RUBCN: variants seen among roughly 807,000 people sequenced by gnomAD.
RUBCN encodes run domain Beclin-1-interacting and cysteine-rich domain-containing protein.
RUBCN carries 74 observed loss-of-function variants against 113.2 expected under a neutral mutation model. The ratio of observed to expected loss-of-function variants is 0.65; its 90% CI spans 0.54 to 0.79. The LOEUF (loss-of-function observed/expected upper bound fraction) is 0.79. RUBCN is among the 30% of genes least tolerant of loss of function. RUBCN has a pLI of 0.00. For missense variants in RUBCN, 1,109 were observed against 1,251.7 expected, an observed-to-expected ratio of 0.89 and a Z score of 1.72; for synonymous variants, 480 against 490.0, an observed-to-expected ratio of 0.98 and a Z score of 0.27.
upstream of RUBCN, among the ~76,000 whole-genome samples, chr3:197,739,422 G>GCA (rs1728417408): frequency 6.6e-6 from 1 of 151,470 alleles, no homozygotes; most frequent in Non-Finnish European, 1.5e-5. Context: ...GGCCGGGCGT[G>GCA]GTGGCTCATG....
chr3:197,702,555 C>T (rs185766202), intron 5 of RUBCN, among the ~76,000 whole-genome samples: 80 of 152,130 alleles, frequency 5.3e-4, no homozygotes, highest in African/African-American at 1.7e-3. Flanking sequence ...CCCAGCTACT[C>T]GGGAGGCTGA....
Position 197,703,486 on chromosome 3 carries a change from G to C in RUBCN, c.570+62C>G, listed in dbSNP as rs1018932110. 51 of 1,052,250 alleles carry C rather than the reference G, an allele frequency of 4.8e-5. No individual in the cohort carries two copies. Among genetic ancestry groups the C allele is most frequent in the Non-Finnish European group, 7.5e-5 (51 of 676,162 alleles). The allele number at this position is 1,052,250 out of a possible 1,614,324, so 65.2% of individuals were successfully genotyped here. ...TAAGTGAAAAAGTTTGCTGTAGAGG[G>C]CTACATCCTGCTGAGCTCCAGGGAC... On this transcript the variant is annotated intron_variant, in intron 5 of 19. Coordinates refer to ENST00000296343, the MANE Select transcript of RUBCN (RefSeq NM_014687.4).
chr3:197,674,613 C>A lies in RUBCN; in HGVS notation c.*405G>T. The A allele has an allele frequency of 2.2e-6, 1 of 457,930 alleles. No individual in the cohort carries two copies. The allele number at this position is 457,930 out of a possible 1,614,324, so 28.4% of individuals were successfully genotyped here. A position where few individuals can be genotyped will look rare whatever the true frequency, so the allele number is the denominator to read the frequency against. On this transcript the variant is annotated 3_prime_UTR_variant, in exon 20 of 20. Transcript: ENST00000296343. ...CAGCAGGAGAGGTGGTTGAGAAAGG[C>A]CTGGCTCAGAAGCTCCAGAACTGAA...
At chr3:197,700,217 C>T (rs1723489176) in intron 7 of RUBCN, among the ~76,000 whole-genome samples, 1 of 152,206 alleles carries the variant, frequency 6.6e-6, no homozygotes, top group South Asian at 2.1e-4. Flanking sequence ...GCCTCTCTCA[C>T]ATTGGTATTA....
intron 2 of RUBCN, among the ~76,000 whole-genome samples, chr3:197,714,218 G>C: frequency 6.6e-6 from 1 of 152,202 alleles, no homozygotes; most frequent in East Asian, 1.9e-4. Context: ...ATTTCCCATG[G>C]ATGTGAGCAA....
At position 197,700,614 on chromosome 3, in the gene RUBCN, T is replaced by C. The variant is rs1723536299; in HGVS notation, c.1260A>G (p.Pro420=). 1.2e-6 allele frequency: 2 copies of C among 1,614,150 alleles called. No individual in the cohort carries two copies. Among genetic ancestry groups the C allele is most frequent in the East Asian group, 4.5e-5 (2 of 44,882 alleles). The change falls in exon 7 of 20, where the codon CCA becomes CCG. Residue 420 remains proline, a splice_region_variant and synonymous_variant. Coordinates refer to ENST00000296343, the MANE Select transcript of RUBCN (RefSeq NM_014687.4). ...SDTSIASRGA[P]ESCNDKAKLR... ...CTAGCAGCCGGTGTTCCTCATTACCTGGAGCTCCCCTGGAGGCAATGCTGG... is the reference window on the plus strand; with the variant it reads ...CTAGCAGCCGGTGTTCCTCATTACCCGGAGCTCCCCTGGAGGCAATGCTGG...
At chr3:197,698,449 C>T (rs987779892) in intron 7 of RUBCN, among the ~76,000 whole-genome samples, 1 of 151,570 alleles carries the variant, frequency 6.6e-6, no homozygotes, top group Non-Finnish European at 1.5e-5. Flanking sequence ...ACCATGAACA[C>T]CAAGGAAACA....
chr3:197,734,682 C>T (rs1727919680), intron 1 of RUBCN, among the ~76,000 whole-genome samples: 1 of 152,132 alleles, frequency 6.6e-6, no homozygotes, highest in African/African-American at 2.4e-5. Flanking sequence ...ATAACTAACC[C>T]AGCCTCCCTC....
chr3:197,682,277 G>A (rs1362975634), intron 14 of RUBCN, among the ~76,000 whole-genome samples, 193 bp downstream of exon 14: 1 of 152,134 alleles, frequency 6.6e-6, no homozygotes. Context: ...AACCCGCCTC[G>A]TTTCCAATTA....
intron 2 of RUBCN, among the ~76,000 whole-genome samples, chr3:197,708,347 G>A (rs1054264758): frequency 2.0e-5 from 3 of 151,906 alleles, no homozygotes; most frequent in Admixed American, 2.0e-4. Flanking sequence ...TGTTGGCCAA[G>A]CTGGTCTCGA....
At chr3:197,685,941 C>CTAGG (rs545782180) in intron 11 of RUBCN, among the ~76,000 whole-genome samples, 162 of 152,268 alleles carry the variant, frequency 1.1e-3, no homozygotes, top group South Asian at 2.7e-3. Context: ...TTGCCTTGAG[C>CTAGG]TAGGAGCCCT....
intron 2 of RUBCN, among the ~76,000 whole-genome samples, chr3:197,710,329 G>C (rs897915556): frequency 6.6e-6 from 1 of 152,072 alleles, no homozygotes; most frequent in African/African-American, 2.4e-5. Flanking sequence ...GGCCGGGCGC[G>C]GTGGCTCATG....
intron 2 of RUBCN, among the ~76,000 whole-genome samples, chr3:197,714,277 C>T (rs1725274886): frequency 6.6e-6 from 1 of 152,094 alleles, no homozygotes; most frequent in Non-Finnish European, 1.5e-5. Flanking sequence ...AGACTTTTGT[C>T]AGTCTATGAT....
At chr3:197,718,157 G>A (rs1241003057) in intron 1 of RUBCN, 27 bp from the exon 2 acceptor site, 14 of 1,613,658 alleles carry the variant, frequency 8.7e-6, no homozygotes, top group African/African-American at 2.7e-5. Flanking sequence ...TACACCAATC[G>A]TTAGTTACCT....
At chr3:197,719,436 C>A (rs1320126221) in intron 1 of RUBCN, among the ~76,000 whole-genome samples, 1 of 149,172 alleles carries the variant, frequency 6.7e-6, no homozygotes, top group East Asian at 2.0e-4. Flanking sequence ...TGAGATCATG[C>A]CATTGCACTC....
upstream of RUBCN, chr3:197,749,817 T>G (rs1032187346): frequency 6.2e-6 from 3 of 480,232 alleles, no homozygotes; most frequent in East Asian, 4.1e-5. Context: ...CGAGTGTCGG[T>G]GGCCCCGCCC....
At chr3:197,715,803 T>C (rs1213714813) in intron 2 of RUBCN, among the ~76,000 whole-genome samples, 2 of 152,232 alleles carry the variant, frequency 1.3e-5, no homozygotes, top group Non-Finnish European at 2.9e-5. Flanking sequence ...CTTTTATGCC[T>C]GCTAGTTTTC....
chr3:197,699,260 G>GCT, intron 7 of RUBCN: 1 of 1,490,888 alleles, frequency 6.7e-7, no homozygotes, highest in Non-Finnish European at 9.2e-7. Flanking sequence ...GTGCAGAGGA[G>GCT]AGTCCAGATA....
intron 7 of RUBCN, chr3:197,700,406 A>T: frequency 1.7e-6 from 1 of 600,514 alleles, no homozygotes; most frequent in Non-Finnish European, 2.9e-6. Context: ...ATTTAATATT[A>T]GCAATGTATA....
Sources: allele counts gnomAD v4.1 joint callset (sites outside exome capture counted in the v4.1 genomes callset), GRCh38; gene constraint gnomAD v4.1.1; transcripts MANE v1.5; gene names NCBI Gene and HGNC (gene_info 2026-07-23, HGNC 2026-07-21).